Variants in NCOR2 observed in about 807,000 individuals in gnomAD.
NCOR2 encodes the protein nuclear receptor corepressor 2.
NCOR2 carries 81 observed loss-of-function variants against 262.9 expected under a neutral mutation model. That is an observed-to-expected ratio of 0.31 (90% CI 0.26 to 0.37). The LOEUF is 0.37. Among genes scored for constraint, NCOR2 ranks in the 10% least tolerant of loss-of-function variants. The pLI, the probability that NCOR2 is intolerant of heterozygous loss-of-function variation, is 1.00. For missense variants in NCOR2, 3,385 were observed against 3,621.4 expected, an observed-to-expected ratio of 0.93 and a Z score of 1.68; for synonymous variants, 1,659 against 1,559.3, an observed-to-expected ratio of 1.06 and a Z score of -1.51.
intron 2 of NCOR2, 168 bp downstream of exon 4, chr12:124,486,273 C>A: frequency 9.3e-7 from 1 of 1,079,288 alleles, no homozygotes; most frequent in Non-Finnish European, 1.3e-6. Flanking sequence ...CTGCTCGTCC[C>A]ATCCTCACCC....
intron 8 of NCOR2, among the ~76,000 whole-genome samples, chr12:124,431,874 C>A (rs900283092): frequency 6.6e-6 from 1 of 151,470 alleles, no homozygotes; most frequent in African/African-American, 2.4e-5. Context: ...CACAGAGAGA[C>A]ACACACACAC....
intron 31 of NCOR2, among the ~76,000 whole-genome samples, chr12:124,345,995 T>A (rs2036893166): frequency 7.1e-6 from 1 of 141,472 alleles, no homozygotes; most frequent in South Asian, 2.1e-4. Context: ...TGGGGCCGCC[T>A]GGGGGGACTG....
intron 17 of NCOR2, among the ~76,000 whole-genome samples, chr12:124,381,117 C>T (rs2040379720): frequency 1.3e-5 from 2 of 152,140 alleles, no homozygotes; most frequent in Non-Finnish European, 2.9e-5. Flanking sequence ...TCCCCCTATC[C>T]ATATGGCCCT....
chr12:124,473,881 A>G (rs182881095), intron 3 of NCOR2, among the ~76,000 whole-genome samples: 3 of 152,260 alleles, frequency 2.0e-5, no homozygotes, highest in East Asian at 3.9e-4. Flanking sequence ...AGAGTCCTGG[A>G]CATCTGTCAG....
intron 15 of NCOR2, among the ~76,000 whole-genome samples, chr12:124,399,863 T>A (rs2041903463): frequency 6.6e-6 from 1 of 152,210 alleles, no homozygotes; most frequent in East Asian, 1.9e-4. Context: ...ACTCACATCA[T>A]CTCATTTTTT....
chr12:124,434,257 C>G (rs997294590), intron 8 of NCOR2, among the ~76,000 whole-genome samples: 68 of 152,070 alleles, frequency 4.5e-4, no homozygotes, highest in Admixed American at 3.9e-3. Flanking sequence ...GCAGGCACAT[C>G]AGAGTTCTCG....
In NCOR2 at chr12:124,427,784, G is replaced by A. The variant is rs2043641800; in HGVS notation, c.1150-984C>T. ...GGACCCCCGGCACGGCCACAGGCAG[G>A]ACCTCTGCTCTGCCCTCCCACAGCT... On this transcript the variant is annotated intron_variant, in intron 10 of 46. Transcript: ENST00000405201. 2.0e-5 allele frequency among the ~76,000 whole-genome samples: 3 copies of A among 152,274 alleles called. No individual in the cohort carries two copies. The South Asian group carries it at 6.2e-4, about 32-fold the overall frequency.
Position 124,473,359 on chromosome 12 carries a change from C to T in NCOR2, c.412-228G>A, listed in dbSNP as rs117719191. 7.9e-3 allele frequency among the ~76,000 whole-genome samples: 1,200 copies of T among 152,264 alleles called. 9 individuals are homozygous for T. The highest frequency in any genetic ancestry group is 0.012 in the Non-Finnish European group (826 of 68,024). On this transcript the variant is annotated intron_variant, in intron 3 of 46. Coordinates refer to ENST00000405201, the Ensembl canonical transcript of NCOR2. ...TAGGCACCATCTAATCAGCTGCCAG[C>T]GAATATAAAGCAGACAGAAAAATGT...
At chr12:124,487,873 T>A (rs2047860290) in intron 1 of NCOR2, among the ~76,000 whole-genome samples, 2 of 137,666 alleles carry the variant, frequency 1.5e-5, no homozygotes, top group Non-Finnish European at 1.5e-5. Context: ...AAACTGTGTT[T>A]AAAAAAAAAA....
At chr12:124,422,432 C>T in intron 12 of NCOR2, 69 bp downstream of exon 14, 1 of 1,593,210 alleles carries the variant, frequency 6.3e-7, no homozygotes, top group Non-Finnish European at 8.6e-7. Flanking sequence ...GGGAGGGCCT[C>T]CACCCTGAGT....
At chr12:124,438,624 C>A (rs1256648495) in intron 7 of NCOR2, among the ~76,000 whole-genome samples, 4 of 151,928 alleles carry the variant, frequency 2.6e-5, no homozygotes, top group Non-Finnish European at 5.9e-5. Flanking sequence ...ACACACACCA[C>A]TGCAGGCTCC....
intron 13 of NCOR2, among the ~76,000 whole-genome samples, chr12:124,416,592 G>A (rs556143225): frequency 2.1e-5 from 3 of 143,896 alleles, no homozygotes; most frequent in East Asian, 4.4e-4. Flanking sequence ...GGGAGTCCCC[G>A]CGGCACAGAT....
rs528374106 is a variant in NCOR2, at chr12:124,325,880, T to C, written c.7364-297A>G. On this transcript the variant is annotated intron_variant, in intron 46 of 46. Transcript: ENST00000405201. ...ACCCTATGTTAGATGAGCATTTCCCTTCCGAAAGCCCTCCACGCCTCCTCA... is the reference window on the plus strand; with the variant it reads ...ACCCTATGTTAGATGAGCATTTCCCCTCCGAAAGCCCTCCACGCCTCCTCA... Among the ~76,000 whole-genome samples, 63 of 152,268 alleles carry C rather than the reference T, an allele frequency of 4.1e-4. 1 individual carries two copies. The South Asian group carries it at 6.0e-3, about 15-fold the overall frequency.
chr12:124,356,818 A>C, intron 22 of NCOR2, 36 bp from the exon 25 acceptor site: 1 of 1,439,040 alleles, frequency 6.9e-7, no homozygotes, highest in Non-Finnish European at 9.1e-7. Context: ...TGAGGGCAGG[A>C]GGTGGGGCAG....
At chr12:124,367,051 T>C (rs2039096141) in intron 20 of NCOR2, among the ~76,000 whole-genome samples, 1 of 152,250 alleles carries the variant, frequency 6.6e-6, no homozygotes, top group Non-Finnish European at 1.5e-5. Context: ...AAGATAATTC[T>C]ATAGAGATAA....
intron 10 of NCOR2, among the ~76,000 whole-genome samples, 155 bp from the exon 13 acceptor site, chr12:124,426,955 A>G (rs2043585081): frequency 6.6e-6 from 1 of 152,234 alleles, no homozygotes; most frequent in Non-Finnish European, 1.5e-5. Flanking sequence ...TTTAAAAATA[A>G]TAATAGCTCA....
At chr12:124,444,442 T>G (rs745401410) in intron 7 of NCOR2, among the ~76,000 whole-genome samples, 1 of 152,194 alleles carries the variant, frequency 6.6e-6, no homozygotes, top group African/African-American at 2.4e-5. Flanking sequence ...GGGAGTCCGG[T>G]TGGACCCTAG....
intron 11 of NCOR2, 72 bp from the exon 14 acceptor site, chr12:124,422,627 C>T (rs2043279416): frequency 6.3e-7 from 1 of 1,576,408 alleles, no homozygotes; most frequent in Non-Finnish European, 8.7e-7. Flanking sequence ...GATCGGCTCC[C>T]AGGCGCCTGC....
At chr12:124,425,962 C>T (rs1015116835) in intron 11 of NCOR2, among the ~76,000 whole-genome samples, 2 of 152,238 alleles carry the variant, frequency 1.3e-5, no homozygotes, top group African/African-American at 2.4e-5. Flanking sequence ...GATGGGATCA[C>T]GAACCCACTC....
Sources: allele counts gnomAD v4.1 joint callset (sites outside exome capture counted in the v4.1 genomes callset), GRCh38; gene constraint gnomAD v4.1.1; transcripts MANE v1.5; gene names NCBI Gene and HGNC (gene_info 2026-07-23, HGNC 2026-07-21).